Variants in ANKRD34C observed in about 807,000 individuals in gnomAD.
ANKRD34C encodes the protein ankyrin repeat domain 34C.
For missense variants in ANKRD34C, 563 were observed against 653.0 expected (o/e 0.86, Z 1.50); for synonymous variants, 260 against 253.6 (o/e 1.03, Z -0.24).
intron 1 of ANKRD34C, among the ~76,000 whole-genome samples, chr15:79,284,328 AC>A (rs2058637574): frequency 6.6e-6 from 1 of 152,248 alleles, no homozygotes; most frequent in Non-Finnish European, 1.5e-5. Flanking sequence ...GATCAGAGGA[AC>A]AGAGTTTAAA....
intron 1 of ANKRD34C, among the ~76,000 whole-genome samples, chr15:79,292,247 G>A (rs1386186450): frequency 6.6e-6 from 1 of 152,176 alleles, no homozygotes; most frequent in Non-Finnish European, 1.5e-5. Flanking sequence ...CCCGTGGGCT[G>A]GCAGGGCATC....
chr15:79,296,349 T>A lies in ANKRD34C; in HGVS notation c.*1457T>A, dbSNP rs1216477577. 1 of 167,130 alleles carries A rather than the reference T, an allele frequency of 6.0e-6. No homozygotes were observed. The highest frequency in any genetic ancestry group is 1.5e-5 in the Non-Finnish European group (1 of 68,126). The allele number at this position is 167,130 out of a possible 1,614,324, so 10.4% of individuals were successfully genotyped here. On this transcript the variant is annotated 3_prime_UTR_variant, in exon 2 of 2. Transcript: ENST00000421388. ...GATGAGAATTAAATGACACAATGTATGAAAGTGCTGCCATTGTGCCTGGCA... is the reference window on the plus strand; with the variant it reads ...GATGAGAATTAAATGACACAATGTAAGAAAGTGCTGCCATTGTGCCTGGCA...
chr15:79,294,762 C>CTATG lies in ANKRD34C; in HGVS notation c.1479_1482dup (p.Val495TyrfsTer13). On this transcript the variant is annotated frameshift_variant, in exon 2 of 2. Coordinates refer to ENST00000421388, the MANE Select transcript of ANKRD34C (RefSeq NM_001146341.2). LOFTEE classifies it low-confidence loss of function (END_TRUNC). ...TGCTCTCTTGCTAGTGGCTTAAAAT[C>CTATG]TATGGTTCCTGTTGCTCCAAGTTCA... The CTATG allele has an allele frequency of 6.4e-7, 1 of 1,551,720 alleles. No homozygotes were observed. Among genetic ancestry groups the CTATG allele is most frequent in the Admixed American group, 2.0e-5 (1 of 51,008 alleles).
In ANKRD34C at chr15:79,294,449, G is replaced by T; in HGVS notation, c.1165G>T (p.Asp389Tyr). The change falls in exon 2 of 2, where the codon GAC becomes TAC. Residue 389 changes from aspartate (D) to tyrosine (Y), a missense_variant. Coordinates refer to ENST00000421388, the MANE Select transcript of ANKRD34C (RefSeq NM_001146341.2). ...TGACTTAGATATACAGCCAGGGCCT[G>T]ACCCTCCCAACTCCATTTCCCTTGA... ...LYDLDIQPGP[D>Y]PPNSISLESG... 6.4e-7 allele frequency: 1 copy of T among 1,551,680 alleles called. No individual in the cohort carries two copies. Among genetic ancestry groups the T allele is most frequent in the Non-Finnish European group, 8.7e-7 (1 of 1,146,984 alleles).
chr15:79,291,928 A>G (rs975772629), intron 1 of ANKRD34C, among the ~76,000 whole-genome samples: 1 of 152,196 alleles, frequency 6.6e-6, no homozygotes, highest in African/African-American at 2.4e-5. Context: ...ATATACTTAC[A>G]TGTAGTTTGG....
chr15:79,286,702 A>C (rs2058646223), intron 1 of ANKRD34C, among the ~76,000 whole-genome samples: 2 of 152,102 alleles, frequency 1.3e-5, no homozygotes, highest in African/African-American at 4.8e-5. Flanking sequence ...AGGGGCTCCG[A>C]GATGACCCCC....
intron 1 of ANKRD34C, among the ~76,000 whole-genome samples, chr15:79,290,028 C>A (rs1022047737): frequency 2.6e-5 from 4 of 151,940 alleles, no homozygotes; most frequent in African/African-American, 9.7e-5. Flanking sequence ...TCTTCTTCTT[C>A]TTTTTCTTTT....
Position 79,297,475 on chromosome 15 carries a change from A to C in ANKRD34C, c.*2583A>C, listed in dbSNP as rs1200485724. 1 of 167,088 alleles carries C rather than the reference A, an allele frequency of 6.0e-6. No individual in the cohort carries two copies. The highest frequency in any genetic ancestry group is 1.5e-5 in the Non-Finnish European group (1 of 68,128). The allele number at this position is 167,088 out of a possible 1,614,324, so 10.4% of individuals were successfully genotyped here. On this transcript the variant is annotated 3_prime_UTR_variant, in exon 2 of 2. Transcript: ENST00000421388. The stretch of plus-strand genomic sequence containing the variant: ...ATTTATAGTAATTAGCTTAGGTGAC[A>C]CACCAAACATGATGAGTTGCTCATT...
chr15:79,294,997 G>T lies in ANKRD34C; in HGVS notation c.*105G>T, dbSNP rs986649896. ...ATGTTGAACTGTGGCCACTTCAGAA[G>T]ATATAAAAGCAGGATGCTGCTTCAC... is the stretch of plus-strand genomic sequence containing the variant. On this transcript the variant is annotated 3_prime_UTR_variant, in exon 2 of 2. Coordinates refer to ENST00000421388, the MANE Select transcript of ANKRD34C (RefSeq NM_001146341.2). The T allele has an allele frequency of 2.4e-6, 3 of 1,239,978 alleles. No individual in the cohort carries two copies. In the African/African-American group the frequency reaches 4.6e-5, roughly 19 times the overall value. The allele number at this position is 1,239,978 out of a possible 1,614,324, so 76.8% of individuals were successfully genotyped here.
At chr15:79,283,543 A>T (rs947914225) in intron 1 of ANKRD34C, 2 of 152,064 alleles carry the variant, frequency 1.3e-5, no homozygotes, top group African/African-American at 4.8e-5. Flanking sequence ...TTTTGCAGAA[A>T]CCTGTGAGGA....
chr15:79,293,378 G>C lies in ANKRD34C; in HGVS notation c.94G>C (p.Glu32Gln). 6.4e-7 allele frequency: 1 copy of C among 1,551,650 alleles called. No homozygotes were observed. The highest frequency in any genetic ancestry group is 8.7e-7 in the Non-Finnish European group (1 of 1,146,966). ...GCTCAGGTTGACCAGGCTGCTCTTG[G>C]AAGGGGGAGCTTATATCAATGAAAG... ...GRLRLTRLLLEGGAYINESND... is the reference protein window; with the variant it reads ...GRLRLTRLLLQGGAYINESND... The change falls in exon 2 of 2, where the codon GAA becomes CAA. Residue 32 changes from glutamate (E) to glutamine (Q), a missense_variant. By Grantham distance (29) the Glu-to-Gln change is conservative. Transcript: ENST00000421388.
chr15:79,283,607 G>A (rs2141198858), intron 1 of ANKRD34C: 1 of 152,260 alleles, frequency 6.6e-6, no homozygotes, highest in Admixed American at 6.5e-5. Flanking sequence ...GTAAAAAGTA[G>A]GCACCTAAGC....
chr15:79,291,043 A>G (rs2058657665), intron 1 of ANKRD34C, among the ~76,000 whole-genome samples: 1 of 152,148 alleles, frequency 6.6e-6, no homozygotes, highest in South Asian at 2.1e-4. Flanking sequence ...TTTTGGAGGA[A>G]GTGATTTGTA....
At position 79,295,363 on chromosome 15, in the gene ANKRD34C, G is replaced by A. The variant is rs2058669749; in HGVS notation, c.*471G>A. ...CTGGGTGTCTGGGTTCTATCTGATG[G>A]AGTAGAAGCAGAATTCCCCCCATGG... is the stretch of plus-strand genomic sequence containing the variant. On this transcript the variant is annotated 3_prime_UTR_variant, in exon 2 of 2. Transcript: ENST00000421388. 1 of 171,486 alleles carries A rather than the reference G, an allele frequency of 5.8e-6. No homozygotes were observed. The highest frequency in any genetic ancestry group is 1.9e-4 in the East Asian group (1 of 5,302). The allele number at this position is 171,486 out of a possible 1,614,324, so 10.6% of individuals were successfully genotyped here. A position where few individuals can be genotyped will look rare whatever the true frequency, so the allele number is the denominator to read the frequency against.
chr15:79,288,764 T>C (rs1281280389), intron 1 of ANKRD34C, among the ~76,000 whole-genome samples: 1 of 151,810 alleles, frequency 6.6e-6, no homozygotes, highest in Admixed American at 6.6e-5. Flanking sequence ...TTTGTAAGGC[T>C]ATTGTCAACT....
At chr15:79,285,718 G>C (rs2058642139) in intron 1 of ANKRD34C, among the ~76,000 whole-genome samples, 1 of 152,204 alleles carries the variant, frequency 6.6e-6, no homozygotes, top group African/African-American at 2.4e-5. Flanking sequence ...TCAAACTGAA[G>C]AGTGAATAAT....
In ANKRD34C at chr15:79,293,921, C is replaced by G; in HGVS notation, c.637C>G (p.Gln213Glu). 1 of 1,551,626 alleles carries G rather than the reference C, an allele frequency of 6.4e-7. No homozygotes were observed. Among genetic ancestry groups the G allele is most frequent in the South Asian group, 1.2e-5 (1 of 84,048 alleles). Residue 213 changes from glutamine to glutamate, a missense_variant, in exon 2 of 2, where the codon CAA becomes GAA. Physicochemically the swap from Gln to Glu is conservative, Grantham distance 29. Coordinates refer to ENST00000421388, the MANE Select transcript of ANKRD34C (RefSeq NM_001146341.2). Reference protein sequence around the residue: ...TEKEDDFFSLQAGHPSSCNTS... With the variant: ...TEKEDDFFSLEAGHPSSCNTS... ...GAAGGAAGATGACTTCTTCAGCCTC[C>G]AAGCAGGGCATCCAAGCAGTTGTAA... is the stretch of plus-strand genomic sequence containing the variant.
At chr15:79,288,309 G>A (rs186140712) in intron 1 of ANKRD34C, among the ~76,000 whole-genome samples, 20 of 152,304 alleles carry the variant, frequency 1.3e-4, no homozygotes, top group Admixed American at 7.8e-4. Context: ...TAGGGGATAC[G>A]TTATTGAGCT....
chr15:79,288,063 A>C (rs1254906153), intron 1 of ANKRD34C, among the ~76,000 whole-genome samples: 1 of 152,176 alleles, frequency 6.6e-6, no homozygotes, highest in Non-Finnish European at 1.5e-5. Flanking sequence ...AGTCAGAGTC[A>C]CTCATTGATC....
Sources: allele counts gnomAD v4.1 joint callset (sites outside exome capture counted in the v4.1 genomes callset), GRCh38; gene constraint gnomAD v4.1.1; transcripts MANE v1.5; gene names NCBI Gene and HGNC (gene_info 2026-07-23, HGNC 2026-07-21).